The following EXOC6B variants were observed in gnomAD, a reference collection of about 807,000 sequenced individuals.
EXOC6B encodes the protein exocyst complex component 6B, also known as SEC15 homolog B.
A neutral mutation model predicts 113.5 loss-of-function variants in EXOC6B; 54 were observed. The ratio of observed to expected loss-of-function variants is 0.48; its 90% CI spans 0.38 to 0.60. The LOEUF (loss-of-function observed/expected upper bound fraction) is 0.60, where lower values mean the gene tolerates loss of function less well. Ranked by LOEUF, EXOC6B falls within the 20% of genes least tolerant of loss-of-function variation. The probability of loss-of-function intolerance (pLI) is 0.00; values close to 1 mark genes in which losing one functional copy is unlikely to be tolerated. For missense variants in EXOC6B, 797 were observed against 977.5 expected, an observed-to-expected ratio of 0.82 and a Z score of 2.46; for synonymous variants, 357 against 339.0, an observed-to-expected ratio of 1.05 and a Z score of -0.58.
intron 19 of EXOC6B, among the ~76,000 whole-genome samples, chr2:72,353,272 T>A (rs1382502919): frequency 6.6e-6 from 1 of 151,980 alleles, no homozygotes; most frequent in Non-Finnish European, 1.5e-5. Flanking sequence ...TACTGGCTCA[T>A]TTATCCCTGA....
rs1677919326 is a variant in EXOC6B, at chr2:72,179,079, CA to C, written c.*255del. On this transcript the variant is annotated 3_prime_UTR_variant, in exon 22 of 22. Transcript: ENST00000272427. ...TTCATCACTGTGGAATTGATGATAC[CA>C]CCATCTCTAAGATAACACAGATAGT... 2.5e-6 allele frequency: 1 copy of C among 404,870 alleles called. No homozygotes were observed. The highest frequency in any genetic ancestry group is 4.3e-6 in the Non-Finnish European group (1 of 230,496). 25.1% of individuals were successfully genotyped at this position (404,870 alleles called of 1,614,324 possible). A position where few individuals can be genotyped will look rare whatever the true frequency, so the allele number is the denominator to read the frequency against.
intron 8 of EXOC6B, chr2:72,515,862 T>A: frequency 2.4e-6 from 1 of 413,194 alleles, no homozygotes; most frequent in Non-Finnish European, 3.3e-6. Context: ...ATCCTATCAG[T>A]GGAGGGTGGG....
chr2:72,208,888 C>T (rs962856145), intron 20 of EXOC6B, among the ~76,000 whole-genome samples: 4 of 152,126 alleles, frequency 2.6e-5, no homozygotes, highest in Non-Finnish European at 5.9e-5. Flanking sequence ...AATACATAGG[C>T]AAGGAGTTAC....
chr2:72,762,668 G>A (rs538271397), intron 1 of EXOC6B, among the ~76,000 whole-genome samples: 30 of 151,970 alleles, frequency 2.0e-4, no homozygotes, highest in African/African-American at 5.8e-4. Context: ...AGTTCCTCAG[G>A]CAAAAATAAT....
chr2:72,389,458 T>G (rs2105104646), intron 18 of EXOC6B, among the ~76,000 whole-genome samples: 1 of 152,146 alleles, frequency 6.6e-6, no homozygotes, highest in South Asian at 2.1e-4. Context: ...AGTAAAAACT[T>G]TTTTATCTTA....
chr2:72,590,366 CAA>C (rs1705861187), intron 6 of EXOC6B, among the ~76,000 whole-genome samples: 1 of 151,310 alleles, frequency 6.6e-6, no homozygotes, highest in African/African-American at 2.4e-5. Context: ...GTTCACACTC[CAA>C]GAGTATTTTA....
At chr2:72,587,416 T>C (rs537282331) in intron 6 of EXOC6B, among the ~76,000 whole-genome samples, 198 of 152,080 alleles carry the variant, frequency 1.3e-3, no homozygotes, top group African/African-American at 4.5e-3. Flanking sequence ...GACTGACTAA[T>C]AAAGGGGGAG....
chr2:72,375,624 A>G (rs1329968769), intron 19 of EXOC6B, among the ~76,000 whole-genome samples: 1 of 152,198 alleles, frequency 6.6e-6, no homozygotes, highest in Non-Finnish European at 1.5e-5. Flanking sequence ...AAAAATTAAA[A>G]CATGACATAT....
At position 72,245,472 on chromosome 2, in the gene EXOC6B, T is replaced by C. The variant is rs532759760; in HGVS notation, c.2197-61285A>G. Among the ~76,000 whole-genome samples the C allele has an allele frequency of 7.9e-5, 12 of 152,312 alleles. No individual in the cohort carries two copies. The South Asian group carries it at 2.3e-3, about 29-fold the overall frequency. On this transcript the variant is annotated intron_variant, in intron 20 of 21. Transcript: ENST00000272427. ...CTGATACATCCATACAATGGGACAT[T>C]ATTCAACGTTAAAAAGAAATGAGCT...
chr2:72,702,276 A>T (rs1315956462), intron 6 of EXOC6B, among the ~76,000 whole-genome samples: 4 of 150,684 alleles, frequency 2.7e-5, no homozygotes, highest in Non-Finnish European at 5.9e-5. Flanking sequence ...GCTACATAGT[A>T]TTCCATGGTG....
At chr2:72,311,444 C>A (rs1462299698) in intron 20 of EXOC6B, among the ~76,000 whole-genome samples, 3 of 152,098 alleles carry the variant, frequency 2.0e-5, no homozygotes, top group African/African-American at 7.2e-5. Context: ...ATCTTCAAAA[C>A]CAGCAGGGTA....
intron 20 of EXOC6B, among the ~76,000 whole-genome samples, chr2:72,190,487 C>A (rs562213832): frequency 1.3e-5 from 2 of 152,108 alleles, no homozygotes; most frequent in Non-Finnish European, 2.9e-5. Context: ...CTGAGAGTAA[C>A]AGCAATATAA....
At chr2:72,309,717 A>G (rs963369662) in intron 20 of EXOC6B, among the ~76,000 whole-genome samples, 2 of 150,700 alleles carry the variant, frequency 1.3e-5, no homozygotes, top group African/African-American at 2.4e-5. Flanking sequence ...CACTAAGTAC[A>G]TTCATAATGT....
chr2:72,569,651 T>A (rs1704404545), intron 7 of EXOC6B, among the ~76,000 whole-genome samples: 1 of 152,120 alleles, frequency 6.6e-6, no homozygotes, highest in Non-Finnish European at 1.5e-5. Context: ...CAACCTCTGG[T>A]TTAAACTCTA....
At chr2:72,606,758 A>G (rs1485108705) in intron 6 of EXOC6B, among the ~76,000 whole-genome samples, 4 of 151,308 alleles carry the variant, frequency 2.6e-5, no homozygotes, top group African/African-American at 9.7e-5. Flanking sequence ...CCTCTCGAGT[A>G]GCCCACCATG....
At chr2:72,286,632 T>G (rs889362466) in intron 20 of EXOC6B, among the ~76,000 whole-genome samples, 1 of 152,152 alleles carries the variant, frequency 6.6e-6, no homozygotes, top group Non-Finnish European at 1.5e-5. Flanking sequence ...TGAGCCCTCA[T>G]GCAAATTATC....
chr2:72,675,967 A>AT (rs955937135), intron 6 of EXOC6B, among the ~76,000 whole-genome samples: 3 of 151,426 alleles, frequency 2.0e-5, no homozygotes, highest in African/African-American at 4.9e-5. Context: ...TGTAGTAGAA[A>AT]TTTTTTTTTA....
chr2:72,349,094 T>C (rs1440853582), intron 19 of EXOC6B, among the ~76,000 whole-genome samples: 2 of 152,232 alleles, frequency 1.3e-5, no homozygotes, highest in Non-Finnish European at 2.9e-5. Context: ...TTACTAGCTA[T>C]GTGACCCTAG....
chr2:72,359,337 C>G (rs545270224), intron 19 of EXOC6B, among the ~76,000 whole-genome samples: 1 of 152,168 alleles, frequency 6.6e-6, no homozygotes, highest in African/African-American at 2.4e-5. Flanking sequence ...ACTAGCTAGG[C>G]CCTTTTTGCC....
Sources: allele counts gnomAD v4.1 joint callset (sites outside exome capture counted in the v4.1 genomes callset), GRCh38; gene constraint gnomAD v4.1.1; transcripts MANE v1.5; gene names NCBI Gene and HGNC (gene_info 2026-07-23, HGNC 2026-07-21).